CENPV: variants seen among roughly 807,000 people sequenced by gnomAD.
CENPV encodes the protein nuclear protein p30.
Under a neutral mutation model 26.4 loss-of-function variants are expected in CENPV, and 15 were observed. That is an observed-to-expected ratio of 0.57 (90% CI 0.38 to 0.88). The LOEUF is 0.88. CENPV is among the 40% of genes least tolerant of loss of function. The pLI is 0.00. For synonymous variants in CENPV, 172 were observed against 165.5 expected, an observed-to-expected ratio of 1.04 and a Z score of -0.30; for missense variants, 336 against 376.5, an observed-to-expected ratio of 0.89 and a Z score of 0.89.
At chr17:16,344,926 C>T (rs149996934) in intron 3 of CENPV, among the ~76,000 whole-genome samples, 2,647 of 151,912 alleles carry the variant, frequency 0.017, 52 homozygotes, top group Non-Finnish European at 0.024. Context: ...CGCGTGCCCC[C>T]ATGCCCAGCT....
At position 16,353,444 on chromosome 17, in the gene CENPV, G is replaced by T; in HGVS notation, c.-8C>A. ...GCTCCTCGATCGCCGCATGGCTCCC[G>T]CAGCCTGGCGCGCAGGCCTCGCAGC... is the stretch of plus-strand genomic sequence containing the variant. On this transcript the variant is annotated 5_prime_UTR_variant, in exon 1 of 5. Coordinates refer to ENST00000299736, the MANE Select transcript of CENPV (RefSeq NM_181716.3). 1.8e-6 allele frequency: 2 copies of T among 1,126,346 alleles called. No individual in the cohort carries two copies. Among genetic ancestry groups the T allele is most frequent in the Non-Finnish European group, 2.2e-6 (2 of 922,084 alleles). The allele number at this position is 1,126,346 out of a possible 1,614,324, so 69.8% of individuals were successfully genotyped here.
Position 16,353,043 on chromosome 17 carries a change from G to A in CENPV, c.394C>T (p.Leu132Phe). 1 of 1,578,260 alleles carries A rather than the reference G, an allele frequency of 6.3e-7. No homozygotes were observed. The highest frequency in any genetic ancestry group is 8.6e-7 in the Non-Finnish European group (1 of 1,163,610). Residue 132 changes from leucine to phenylalanine, a missense_variant, in exon 1 of 5, where the codon CTC becomes TTC. Leu to Phe is a conservative substitution (Grantham distance 22). This residue lies in a region of CENPV where 155 missense variants were observed against 227.8 expected (regional missense o/e 0.68). Coordinates refer to ENST00000299736, the MANE Select transcript of CENPV (RefSeq NM_181716.3). ...CGCACTCACAAGGTGTCTAGCAGGA[G>A]CTTGGCGGCACCCTCGGAGGTAAGC... ...QKLTSEGAAK[L>F]LLDTFEYQGL...
At chr17:16,346,127 T>C (rs1351615747) in intron 3 of CENPV, among the ~76,000 whole-genome samples, 1 of 152,160 alleles carries the variant, frequency 6.6e-6, no homozygotes, top group Non-Finnish European at 1.5e-5. Flanking sequence ...TGTAGAGAAA[T>C]ATGTGCTCAC....
At chr17:16,351,233 C>T (rs570929736) in intron 1 of CENPV, 19 of 152,316 alleles carry the variant, frequency 1.2e-4, no homozygotes, top group Admixed American at 9.2e-4. Context: ...ACCCAGCCTA[C>T]ATACAATTTT....
At position 16,350,047 on chromosome 17, in the gene CENPV, C is replaced by T; in HGVS notation, c.411-18G>A. The T allele has an allele frequency of 6.2e-7, 1 of 1,607,582 alleles. No individual in the cohort carries two copies. The highest frequency in any genetic ancestry group is 8.5e-7 in the Non-Finnish European group (1 of 1,178,376). ...GGTATTCACTAAATGAAACAAAAATCAGAAAGATAATAATTTCTGAATAGC... is the reference window on the plus strand; with the variant it reads ...GGTATTCACTAAATGAAACAAAAATTAGAAAGATAATAATTTCTGAATAGC... On this transcript the variant is annotated intron_variant, in intron 1 of 4. Coordinates refer to ENST00000299736, the MANE Select transcript of CENPV (RefSeq NM_181716.3).
At chr17:16,348,523 ATGCTACAGACGGCAT>A in intron 3 of CENPV, 78 bp downstream of exon 3, 18 of 1,585,976 alleles carry the variant, frequency 1.1e-5, no homozygotes, top group Non-Finnish European at 1.5e-5. Context: ...GGCCCCTCCC[ATGCTACAGACGGCAT>A]GCTAACAGTT....
chr17:16,353,339 G>C lies in CENPV; in HGVS notation c.98C>G (p.Ala33Gly). ...GCGCCGTGTGCGGGTGGCGCTGGGT[G>C]CCAAGGCAGCGGCCGCGGAGGCCGC... ...APAASAAAALAPSATRTRRSA... is the reference protein window; with the variant it reads ...APAASAAAALGPSATRTRRSA... Residue 33 changes from alanine to glycine, a missense_variant, in exon 1 of 5, where the codon GCA becomes GGA. Physicochemically the swap from Ala to Gly is moderately conservative, Grantham distance 60. Coordinates refer to ENST00000299736, the MANE Select transcript of CENPV (RefSeq NM_181716.3). The C allele has an allele frequency of 7.5e-7, 1 of 1,338,628 alleles. No homozygotes were observed. The highest frequency in any genetic ancestry group is 9.6e-7 in the Non-Finnish European group (1 of 1,044,352). The allele number at this position is 1,338,628 out of a possible 1,614,324, so 82.9% of individuals were successfully genotyped here. A position where few individuals can be genotyped will look rare whatever the true frequency, so the allele number is the denominator to read the frequency against.
At chr17:16,346,030 T>A (rs538301632) in intron 3 of CENPV, among the ~76,000 whole-genome samples, 2 of 152,192 alleles carry the variant, frequency 1.3e-5, no homozygotes, top group Non-Finnish European at 2.9e-5. Flanking sequence ...CTTTAGCCTA[T>A]GAAATGCTCA....
In CENPV at chr17:16,353,154, T is replaced by G. The variant is rs776175621; in HGVS notation, c.283A>C (p.Thr95Pro). ...LLPPPPPPPP[T>P]PATPTSSASN... The stretch of plus-strand genomic sequence containing the variant: ...GCCGAGGACGTCGGGGTCGCGGGAG[T>G]CGGCGGCGGCGGCGGCGGTGGCGGG... The change falls in exon 1 of 5, where the codon ACT (threonine) becomes CCT (proline). Residue 95 changes from threonine (T) to proline (P), a missense_variant. Transcript: ENST00000299736. 9 of 1,466,202 alleles carry G rather than the reference T, an allele frequency of 6.1e-6. No homozygotes were observed. The highest frequency in any genetic ancestry group is 4.4e-5 in the African/African-American group (3 of 68,108). The allele number at this position is 1,466,202 out of a possible 1,614,324, so 90.8% of individuals were successfully genotyped here. A position where few individuals can be genotyped will look rare whatever the true frequency, so the allele number is the denominator to read the frequency against.
At chr17:16,350,249 A>T (rs568638170) in intron 1 of CENPV, among the ~76,000 whole-genome samples, 16 of 152,318 alleles carry the variant, frequency 1.1e-4, no homozygotes, top group African/African-American at 3.8e-4. Context: ...TTCTTAAATT[A>T]TATTAAGTTG....
At chr17:16,346,502 G>A (rs2093206932) in intron 3 of CENPV, among the ~76,000 whole-genome samples, 1 of 152,198 alleles carries the variant, frequency 6.6e-6, no homozygotes, top group South Asian at 2.1e-4. Context: ...TGTAATCCCA[G>A]CACTTTGGGA....
chr17:16,348,953 G>T, intron 2 of CENPV: 1 of 1,162,878 alleles, frequency 8.6e-7, no homozygotes, highest in Non-Finnish European at 1.1e-6. Context: ...CCACCCCTCA[G>T]TTCTTTACAG....
Position 16,353,204 on chromosome 17 carries a change from G to A in CENPV, c.233C>T (p.Pro78Leu), listed in dbSNP as rs1189474865. The change falls in exon 1 of 5, where the codon CCG (proline) becomes CTG (leucine). Residue 78 changes from proline to leucine, a missense_variant. Physicochemically the swap from Pro to Leu is moderately conservative, Grantham distance 98. Transcript: ENST00000299736. ...GAGCAACGCCAGCTCAGGCGGCGGC[G>A]GCTCCCCCGGGCCCTCCTCCTGGGC... Reference protein sequence around the residue: ...PRAQEEGPGEPPPPELALLPP... With the variant: ...PRAQEEGPGELPPPELALLPP... 4.4e-6 allele frequency: 6 copies of A among 1,363,440 alleles called. No individual in the cohort carries two copies. The highest frequency in any genetic ancestry group is 1.5e-5 in the African/African-American group (1 of 65,448). The allele number at this position is 1,363,440 out of a possible 1,614,324, so 84.5% of individuals were successfully genotyped here. A position where few individuals can be genotyped will look rare whatever the true frequency, so the allele number is the denominator to read the frequency against.
chr17:16,352,726 C>A (rs2093233287), intron 1 of CENPV, among the ~76,000 whole-genome samples: 1 of 152,202 alleles, frequency 6.6e-6, no homozygotes, highest in Admixed American at 6.5e-5. Context: ...CGTCCCCGAG[C>A]ACGATGCTTA....
intron 4 of CENPV, among the ~76,000 whole-genome samples, chr17:16,343,597 T>C (rs750342646): frequency 5.9e-5 from 9 of 152,168 alleles, no homozygotes; most frequent in Admixed American, 1.3e-4. Context: ...CTCAGATAGA[T>C]AACTTTCTAA....
chr17:16,344,470 T>C (rs2093196240), intron 4 of CENPV, 127 bp downstream of exon 4: 1 of 465,364 alleles, frequency 2.1e-6, no homozygotes, highest in Non-Finnish European at 3.8e-6. Flanking sequence ...TGAGGAGCCC[T>C]GTTCCTCTAA....
intron 1 of CENPV, 98 bp downstream of exon 1, chr17:16,352,928 GA>G: frequency 7.2e-7 from 1 of 1,383,478 alleles, no homozygotes; most frequent in East Asian, 3.1e-5. Flanking sequence ...GCTCAGAGCT[GA>G]AAGGCGCCCA....
chr17:16,353,234 G>A lies in CENPV; in HGVS notation c.203C>T (p.Pro68Leu). Residue 68 changes from proline to leucine, a missense_variant, in exon 1 of 5, where the codon CCG becomes CTG. Transcript: ENST00000299736. The part of the protein sequence containing the change: ...SEKPRLRRSS[P>L]RAQEEGPGEP... ...CCCCGGGCCCTCCTCCTGGGCCCGCGGCGACGAGCGCCTCAGCCGCGGCTT... is the reference window on the plus strand; with the variant it reads ...CCCCGGGCCCTCCTCCTGGGCCCGCAGCGACGAGCGCCTCAGCCGCGGCTT... 7.2e-7 allele frequency: 1 copy of A among 1,396,154 alleles called. No individual in the cohort carries two copies. The allele number at this position is 1,396,154 out of a possible 1,614,324, so 86.5% of individuals were successfully genotyped here.
chr17:16,348,850 T>TAGCAG (rs2093218470), intron 2 of CENPV, 165 bp from the exon 3 acceptor site: 1 of 1,420,704 alleles, frequency 7.0e-7, no homozygotes, highest in African/African-American at 1.4e-5. Flanking sequence ...TGCCTCTGGT[T>TAGCAG]TGCAGGTACA....
Sources: gnomAD v4.1 joint callset for allele counts (sites outside exome capture counted in the v4.1 genomes callset) on GRCh38, gnomAD v4.1.1 for gene constraint, gnomAD v4.1.1 regional missense constraint, MANE v1.5 for transcripts, NCBI Gene and HGNC (gene_info 2026-07-23, HGNC 2026-07-21) for gene names.